The following DIS3L2 variants were observed in gnomAD, a reference collection of about 807,000 sequenced individuals.
DIS3L2 encodes the protein DIS3 like 3'-5' exoribonuclease 2.
In DIS3L2, 34 loss-of-function variants were observed where a neutral mutation model predicts 97.5. The observed-to-expected ratio is 0.35, with a 90% CI of 0.27 to 0.46. The LOEUF (loss-of-function observed/expected upper bound fraction) is 0.46, where lower values mean the gene tolerates loss of function less well. Among genes scored for constraint, DIS3L2 ranks in the 20% least tolerant of loss-of-function variants. The pLI is 1.00. For missense variants in DIS3L2, 1,038 were observed against 1,146.0 expected, an observed-to-expected ratio of 0.91 and a Z score of 1.36; for synonymous variants, 435 against 445.2, an observed-to-expected ratio of 0.98 and a Z score of 0.29.
chr2:232,284,825 G>C (rs1179055121), intron 13 of DIS3L2, among the ~76,000 whole-genome samples: 1 of 152,196 alleles, frequency 6.6e-6, no homozygotes, highest in Non-Finnish European at 1.5e-5. Context: ...ATTAGAGGCA[G>C]TGCAGCTCAG....
Position 232,343,483 on chromosome 2 carries a change from CTG to C in DIS3L2, c.1722_1723del (p.Phe576ProfsTer131), listed in dbSNP as rs746660208. 42 of 1,556,060 alleles carry C rather than the reference CTG, an allele frequency of 2.7e-5. No individual in the cohort carries two copies. Among genetic ancestry groups the C allele is most frequent in the Non-Finnish European group, 3.5e-5 (40 of 1,149,726 alleles). ...ATGTGACAGGGATCCAGACACACGA[CTG>C]TTTTTCCTTCAGCAACAGAGCCGTG... is the stretch of plus-strand genomic sequence containing the variant. On this transcript the variant is annotated frameshift_variant, in exon 14 of 14. Transcript: ENST00000273009. LOFTEE classifies it high-confidence loss of function.
chr2:232,203,684 G>T (rs1444449235), intron 9 of DIS3L2, among the ~76,000 whole-genome samples: 5 of 152,208 alleles, frequency 3.3e-5, no homozygotes, highest in Non-Finnish European at 5.9e-5. Flanking sequence ...ATGTCCATAA[G>T]TGGCCACCAA....
At chr2:232,282,146 A>AT (rs1694307660) in intron 13 of DIS3L2, among the ~76,000 whole-genome samples, 1 of 150,218 alleles carries the variant, frequency 6.7e-6, no homozygotes, top group Non-Finnish European at 1.5e-5. Flanking sequence ...TTTATTTAAA[A>AT]AAAAAAAAAA....
intron 9 of DIS3L2, among the ~76,000 whole-genome samples, chr2:232,197,944 G>A (rs1334062761): frequency 3.3e-5 from 5 of 150,854 alleles, no homozygotes; most frequent in African/African-American, 4.9e-5. Context: ...CAGCCTGGGC[G>A]ACAGAGTGAG....
chr2:232,200,491 A>G (rs947357985), intron 9 of DIS3L2, among the ~76,000 whole-genome samples: 1 of 152,138 alleles, frequency 6.6e-6, no homozygotes, highest in African/African-American at 2.4e-5. Context: ...ATAGAGGCTC[A>G]CTTGAAAGGG....
intron 9 of DIS3L2, among the ~76,000 whole-genome samples, chr2:232,171,720 C>T (rs941149300): frequency 3.3e-5 from 5 of 152,170 alleles, no homozygotes; most frequent in African/African-American, 9.7e-5. Flanking sequence ...AATCCCAACT[C>T]ACTGTGAAAT....
In DIS3L2 at chr2:232,199,534, G is replaced by A. The variant is rs189571453; in HGVS notation, c.1125-10792G>A. Among the ~76,000 whole-genome samples, 323 of 152,200 alleles carry A rather than the reference G, an allele frequency of 2.1e-3. 3 individuals carry two copies. The highest frequency in any genetic ancestry group is 7.4e-3 in the African/African-American group (306 of 41,516). On this transcript the variant is annotated intron_variant, in intron 9 of 20. Transcript: ENST00000325385. ...ATTCAGAGGATAAGATTTGGAGTAG[G>A]GTAACCTTCCAATTTGATTATTCTG...
chr2:232,104,499 G>T (rs1697299649), intron 6 of DIS3L2, among the ~76,000 whole-genome samples: 1 of 151,966 alleles, frequency 6.6e-6, no homozygotes, highest in Non-Finnish European at 1.5e-5. Context: ...TTTCTGTGTT[G>T]TGCAACCACT....
chr2:232,270,860 G>GTCCCTCTCTCTC lies in DIS3L2; in HGVS notation c.1659+7422_1659+7423insCCTCTCTCTCTC, dbSNP rs1491319157. On this transcript the variant is annotated intron_variant, in intron 13 of 20. Transcript: ENST00000325385. ...CGCACTCGCGCGCTCTCTTTTTCTC[G>GTCCCTCTCTCTC]TCTCTCTCTCTCTCTCTCTCTCTCT... is the stretch of plus-strand genomic sequence containing the variant. Among the ~76,000 whole-genome samples the GTCCCTCTCTCTC allele has an allele frequency of 1.5e-3, 159 of 103,868 alleles. 13 individuals carry two copies. The East Asian group carries it at 0.024, about 16-fold the overall frequency. 68.1% of individuals were successfully genotyped at this position (103,868 alleles called of 152,430 possible). A position where few individuals can be genotyped will look rare whatever the true frequency, so the allele number is the denominator to read the frequency against.
chr2:232,217,464 G>T (rs775908618), intron 10 of DIS3L2, among the ~76,000 whole-genome samples: 1 of 152,166 alleles, frequency 6.6e-6, no homozygotes, highest in Non-Finnish European at 1.5e-5. Context: ...GATATTCTCC[G>T]CCTGGAGATA....
intron 16 of DIS3L2, 32 bp downstream of exon 16, chr2:232,330,808 T>G (rs1187241448): frequency 6.3e-7 from 1 of 1,596,062 alleles, no homozygotes; most frequent in Non-Finnish European, 8.5e-7. Context: ...CCTCCCCTGC[T>G]CCCAGGAGCA....
At chr2:232,239,590 A>T (rs1431428479) in intron 11 of DIS3L2, among the ~76,000 whole-genome samples, 1 of 152,134 alleles carries the variant, frequency 6.6e-6, no homozygotes, top group Non-Finnish European at 1.5e-5. Context: ...TACTAGCTTG[A>T]GCCTTCCTGC....
chr2:232,334,506 C>T lies in DIS3L2; in HGVS notation c.2289+7C>T, dbSNP rs759695597. The stretch of plus-strand genomic sequence containing the variant: ...CTTTGCTGTTCTGGTCAAGGTGAGC[C>T]CTCCAGCCTGGTGCCCCTCACCTCC... On this transcript the variant is annotated splice_region_variant and intron_variant, in intron 18 of 20. Transcript: ENST00000325385. 5 of 1,613,468 alleles carry T rather than the reference C, an allele frequency of 3.1e-6. No homozygotes were observed. The highest frequency in any genetic ancestry group is 1.7e-5 in the Admixed American group (1 of 59,992).
intron 1 of DIS3L2, among the ~76,000 whole-genome samples, chr2:231,978,107 A>G (rs915259187): frequency 1.3e-5 from 2 of 152,358 alleles, no homozygotes; most frequent in Middle Eastern, 3.4e-3. Flanking sequence ...TTAAAAGACT[A>G]TGTATGTTTT....
intron 9 of DIS3L2, among the ~76,000 whole-genome samples, chr2:232,165,965 T>G (rs1362169070): frequency 6.6e-6 from 1 of 152,098 alleles, no homozygotes; most frequent in Non-Finnish European, 1.5e-5. Context: ...GGGCCCAATA[T>G]TGCAGTAAAT....
chr2:232,107,689 C>T (rs975230854), intron 6 of DIS3L2, among the ~76,000 whole-genome samples: 3 of 151,970 alleles, frequency 2.0e-5, no homozygotes, highest in African/African-American at 2.4e-5. Context: ...GGCGACAGAG[C>T]GAGACTCCAT....
intron 5 of DIS3L2, among the ~76,000 whole-genome samples, chr2:232,062,002 T>C (rs1695723379): frequency 6.6e-6 from 1 of 152,128 alleles, no homozygotes; most frequent in Admixed American, 6.5e-5. Flanking sequence ...AACAACTTCT[T>C]TAGACAGATA....
intron 13 of DIS3L2, among the ~76,000 whole-genome samples, chr2:232,287,216 T>A (rs1694456802): frequency 6.6e-6 from 1 of 152,176 alleles, no homozygotes; most frequent in South Asian, 2.1e-4. Flanking sequence ...CCCCTAAGAT[T>A]ATTGTGAAAC....
intron 1 of DIS3L2, among the ~76,000 whole-genome samples, chr2:232,011,672 T>C (rs1440747765): frequency 5.4e-5 from 8 of 147,334 alleles, no homozygotes; most frequent in Non-Finnish European, 9.0e-5. Context: ...TTTTTCTTTT[T>C]TGAGACAGAG....
Sources: allele counts gnomAD v4.1 joint callset (sites outside exome capture counted in the v4.1 genomes callset), GRCh38; gene constraint gnomAD v4.1.1; transcripts MANE v1.5; gene names NCBI Gene and HGNC (gene_info 2026-07-23, HGNC 2026-07-21).